The following AKNAD1 variants were observed in gnomAD, a reference collection of about 807,000 sequenced individuals.
The protein encoded by AKNAD1 is AKNA domain containing 1.
A neutral mutation model predicts 90.8 loss-of-function variants in AKNAD1; 67 were observed. The observed-to-expected ratio is 0.74, with a 90% CI of 0.61 to 0.90. The LOEUF (loss-of-function observed/expected upper bound fraction) is 0.90. Among genes scored for constraint, AKNAD1 ranks in the 40% least tolerant of loss-of-function variants. AKNAD1 has a pLI of 0.00. For missense variants in AKNAD1, 957 were observed against 975.4 expected (o/e 0.98, Z 0.25); for synonymous variants, 327 against 341.4 (o/e 0.96, Z 0.46).
At position 108,818,040 on chromosome 1, in the gene AKNAD1, G is replaced by C. The variant is rs578045856; in HGVS notation, c.2250-863C>G. 5.3e-5 allele frequency among the ~76,000 whole-genome samples: 8 copies of C among 152,284 alleles called. No homozygotes were observed. In the South Asian group the frequency reaches 1.7e-3, roughly 32 times the overall value. ...GAAGTCTGCACTAGGTGAGTGAGGGGTGCAGGGCCACTGGGCTGTTAAGGT... is the reference window on the plus strand; with the variant it reads ...GAAGTCTGCACTAGGTGAGTGAGGGCTGCAGGGCCACTGGGCTGTTAAGGT... On this transcript the variant is annotated intron_variant, in intron 14 of 15. Transcript: ENST00000370001.
chr1:108,853,142 T>C (rs1017351354), intron 1 of AKNAD1, among the ~76,000 whole-genome samples: 1 of 147,836 alleles, frequency 6.8e-6, no homozygotes, highest in African/African-American at 2.6e-5. Context: ...TTTTCTTTTT[T>C]TTTTTTTGAG....
chr1:108,823,700 C>G lies in AKNAD1; in HGVS notation c.1937-12G>C. ...TCCTGTATCAGAATCTGAAAAAGCCCAAGTTGCATGAATGAAGGGTAAGTG... is the reference window on the plus strand; with the variant it reads ...TCCTGTATCAGAATCTGAAAAAGCCGAAGTTGCATGAATGAAGGGTAAGTG... On this transcript the variant is annotated splice_polypyrimidine_tract_variant and intron_variant, in intron 11 of 15. Transcript: ENST00000370001. 6.2e-7 allele frequency: 1 copy of G among 1,613,930 alleles called. No homozygotes were observed. The highest frequency in any genetic ancestry group is 8.5e-7 in the Non-Finnish European group (1 of 1,179,928).
intron 5 of AKNAD1, 80 bp downstream of exon 5, chr1:108,848,672 C>A: frequency 1.6e-6 from 2 of 1,288,402 alleles, no homozygotes. Flanking sequence ...GTAGAGAAAA[C>A]ATGGCACTAT....
In AKNAD1 at chr1:108,849,120, A is replaced by G. The variant is rs181762009; in HGVS notation, c.1034-60T>C. ...ATCTCAACTTATCACAGTTTTATTA[A>G]GTACTGAAAACAGAAAGCTGTTGCA... On this transcript the variant is annotated intron_variant, in intron 3 of 15. Transcript: ENST00000370001. 3.2e-3 allele frequency: 4,638 copies of G among 1,432,248 alleles called. 47 individuals are homozygous for G. Among genetic ancestry groups the G allele is most frequent in the South Asian group, 0.025 (1,635 of 66,310 alleles). The allele number at this position is 1,432,248 out of a possible 1,614,324, so 88.7% of individuals were successfully genotyped here.
intron 6 of AKNAD1, among the ~76,000 whole-genome samples, chr1:108,840,546 G>T (rs765541356): frequency 4.6e-5 from 7 of 152,188 alleles, no homozygotes; most frequent in Non-Finnish European, 1.0e-4. Context: ...TTAGTAACAT[G>T]AGTGTATAAG....
In AKNAD1 at chr1:108,836,271, G is replaced by A. The variant is rs570749760; in HGVS notation, c.1537-1215C>T. ...CAGGTCCAAGACTAGCAGGGCAGCCGCTGTGAGCCTGGAAACTGCTTGGGT... is the reference window on the plus strand; with the variant it reads ...CAGGTCCAAGACTAGCAGGGCAGCCACTGTGAGCCTGGAAACTGCTTGGGT... On this transcript the variant is annotated intron_variant, in intron 7 of 15. Transcript: ENST00000370001. Among the ~76,000 whole-genome samples the A allele has an allele frequency of 7.9e-4, 120 of 152,326 alleles. 1 individual carries two copies. The highest frequency in any genetic ancestry group is 2.5e-3 in the African/African-American group (103 of 41,576).
At chr1:108,844,660 A>C (rs1045517104) in intron 5 of AKNAD1, among the ~76,000 whole-genome samples, 6 of 152,100 alleles carry the variant, frequency 3.9e-5, no homozygotes, top group Non-Finnish European at 1.5e-5. Flanking sequence ...AGACTCTGTC[A>C]CTTACTCATT....
At position 108,833,141 on chromosome 1, in the gene AKNAD1, A is replaced by T. The variant is rs552462582; in HGVS notation, c.1746+1306T>A. On this transcript the variant is annotated intron_variant, in intron 9 of 15. Coordinates refer to ENST00000370001, the MANE Select transcript of AKNAD1 (RefSeq NM_152763.5). The stretch of plus-strand genomic sequence containing the variant: ...ATGAAATATAGTACAGTCATCAAAA[A>T]TGAAGCGATAGTTTATTCTAAGTGA... Among the ~76,000 whole-genome samples, 23 of 147,752 alleles carry T rather than the reference A, an allele frequency of 1.6e-4. 1 individual carries two copies. In the South Asian group the frequency reaches 4.8e-3, roughly 31 times the overall value.
rs1400694001 is a variant in AKNAD1 at position 108,856,745 on chromosome 1, A to ACACACAC, written c.-104+183_-104+184insGTGTGTG. ...ACACACACATAAACACACACACACA[A>ACACACAC]ACACACACACAGACAAAGAAAGAAA... On this transcript the variant is annotated intron_variant, in intron 1 of 15. Transcript: ENST00000370001. 3.4e-3 allele frequency among the ~76,000 whole-genome samples: 514 copies of ACACACAC among 151,186 alleles called. 2 individuals are homozygous for ACACACAC. The highest frequency in any genetic ancestry group is 0.012 in the African/African-American group (476 of 41,244).
At chr1:108,826,044 C>G (rs920013882) in intron 11 of AKNAD1, among the ~76,000 whole-genome samples, 3 of 151,656 alleles carry the variant, frequency 2.0e-5, no homozygotes, top group Non-Finnish European at 4.4e-5. Flanking sequence ...TGGTGGCCCC[C>G]CCGAAAGGGT....
intron 7 of AKNAD1, among the ~76,000 whole-genome samples, chr1:108,835,866 C>T (rs12120480): frequency 0.047 from 7,157 of 152,174 alleles, 258 homozygotes; most frequent in African/African-American, 0.093. Context: ...CCTCGTGATC[C>T]GCCTGCCTCA....
intron 15 of AKNAD1, 104 bp from the exon 16 acceptor site, chr1:108,816,406 A>G: frequency 7.9e-7 from 1 of 1,270,212 alleles, no homozygotes; most frequent in East Asian, 2.5e-5. Context: ...TTTGGGGAGT[A>G]TTCCTGTTTT....
chr1:108,823,949 G>C (rs1170987122), intron 11 of AKNAD1, among the ~76,000 whole-genome samples: 2 of 152,146 alleles, frequency 1.3e-5, no homozygotes, highest in African/African-American at 4.8e-5. Context: ...GCTTAGTAAA[G>C]GTCTGCTGAA....
intron 5 of AKNAD1, 22 bp from the exon 6 acceptor site, chr1:108,843,289 A>G (rs373860068): frequency 1.2e-6 from 2 of 1,612,016 alleles, no homozygotes; most frequent in South Asian, 1.1e-5. Context: ...AAGTCACTGG[A>G]ATCATTCACA....
At chr1:108,838,361 TA>T (rs1664444706) in intron 6 of AKNAD1, among the ~76,000 whole-genome samples, 1 of 149,820 alleles carries the variant, frequency 6.7e-6, no homozygotes, top group Non-Finnish European at 1.5e-5. Context: ...GAAATTTTAA[TA>T]CCTAAATAGC....
rs369957812 is a variant in AKNAD1 at position 108,848,963 on chromosome 1, C to T, written c.1131G>A (p.Gly377=). Residue 377 remains glycine, a synonymous_variant, in exon 4 of 16, where the codon GGG becomes GGA. Coordinates refer to ENST00000370001, the MANE Select transcript of AKNAD1 (RefSeq NM_152763.5). ...CTTTCAACTTCTGACACATCTGTTT[C>T]CCTTGGGATATCTTTTGAAATATGT... ...SSYIFQKISQ[G]KQMCQKLKEQ... 1.5e-5 allele frequency: 24 copies of T among 1,610,510 alleles called. No homozygotes were observed. The highest frequency in any genetic ancestry group is 2.0e-5 in the Non-Finnish European group (24 of 1,179,146).
Position 108,834,043 on chromosome 1 carries a change from G to A in AKNAD1, c.1746+404C>T, listed in dbSNP as rs182826227. ...TAATCCCAGCATTTCCAATTCATTC[G>A]AAATGAAATAATCTCTAGACCCTCA... On this transcript the variant is annotated intron_variant, in intron 9 of 15. Transcript: ENST00000370001. Among the ~76,000 whole-genome samples the A allele has an allele frequency of 1.1e-3, 162 of 151,980 alleles. 3 individuals are homozygous for A. The East Asian group carries it at 0.026, about 25-fold the overall frequency.
chr1:108,827,402 G>A, intron 10 of AKNAD1, 100 bp from the exon 11 acceptor site: 1 of 859,068 alleles, frequency 1.2e-6, no homozygotes. Context: ...TTATATTAGA[G>A]CCTGGAACAG....
intron 2 of AKNAD1, among the ~76,000 whole-genome samples, chr1:108,850,482 C>T (rs78148478): frequency 0.01 from 1,569 of 152,214 alleles, 15 homozygotes; most frequent in African/African-American, 0.025. Context: ...CCCAATACCA[C>T]GGGGGTGTAG....
Sources: gnomAD v4.1 joint callset for allele counts (sites outside exome capture counted in the v4.1 genomes callset) on GRCh38, gnomAD v4.1.1 for gene constraint, MANE v1.5 for transcripts, NCBI Gene and HGNC (gene_info 2026-07-23, HGNC 2026-07-21) for gene names.